Variants in GLIS3 observed in about 807,000 individuals in gnomAD.
GLIS3 encodes the protein GLIS family zinc finger 3, also known as zinc finger protein GLIS3.
A neutral mutation model predicts 78.6 loss-of-function variants in GLIS3; 53 were observed. That is an observed-to-expected ratio of 0.67 (90% CI 0.54 to 0.85). The LOEUF (loss-of-function observed/expected upper bound fraction) is 0.85. GLIS3 is among the 40% of genes least tolerant of loss of function. The pLI is 0.00. For synonymous variants in GLIS3, 684 were observed against 509.9 expected (o/e 1.34, Z -4.60); for missense variants, 1,703 against 1,231.1 (o/e 1.38, Z -5.74).
At chr9:4,380,736 T>A in the GLIS3 span, among the ~76,000 whole-genome samples, 2 of 152,220 alleles carry the variant, frequency 1.3e-5, no homozygotes, top group Admixed American at 6.5e-5. Context: ...ATTGTTAAAA[T>A]TTTTAAATAA....
intron 2 of GLIS3, among the ~76,000 whole-genome samples, chr9:4,227,341 C>G (rs1317356546): frequency 2.0e-5 from 3 of 151,472 alleles, no homozygotes. Flanking sequence ...AAGTTACGCC[C>G]ACACAATGAT....
intron 7 of GLIS3, among the ~76,000 whole-genome samples, chr9:3,880,884 G>A (rs1037256996): frequency 6.6e-6 from 1 of 152,208 alleles, no homozygotes; most frequent in South Asian, 2.1e-4. Flanking sequence ...TGGTAAATCA[G>A]CATTCTGTCA....
At chr9:4,075,933 A>G (rs1828013358) in intron 4 of GLIS3, among the ~76,000 whole-genome samples, 2 of 152,228 alleles carry the variant, frequency 1.3e-5, no homozygotes, top group South Asian at 2.1e-4. Context: ...GAAAGCAGAG[A>G]AGTGGCTCCT....
At chr9:4,319,644 C>G (rs1817492407) in intron 2 of GLIS3, among the ~76,000 whole-genome samples, 1 of 152,076 alleles carries the variant, frequency 6.6e-6, no homozygotes, top group African/African-American at 2.4e-5. Flanking sequence ...ATCCTCCTGC[C>G]TCACCCTCCC....
intron 4 of GLIS3, among the ~76,000 whole-genome samples, chr9:4,083,737 A>G (rs1490322649): frequency 6.6e-6 from 1 of 152,204 alleles, no homozygotes. Flanking sequence ...AAAACACAAG[A>G]AAAAATCCAC....
intron 6 of GLIS3, among the ~76,000 whole-genome samples, chr9:3,919,316 G>T (rs1298469870): frequency 6.6e-6 from 1 of 152,198 alleles, no homozygotes; most frequent in African/African-American, 2.4e-5. Flanking sequence ...CTTGAGTACA[G>T]TTCTACTGCT....
intron 2 of GLIS3, among the ~76,000 whole-genome samples, chr9:4,195,722 C>T (rs1301498587): frequency 3.9e-5 from 6 of 152,248 alleles, no homozygotes; most frequent in African/African-American, 1.2e-4. Flanking sequence ...ATCCACTAGG[C>T]GAAGCCAGCT....
intron 4 of GLIS3, among the ~76,000 whole-genome samples, chr9:4,016,715 G>A (rs1308090615): frequency 8.5e-5 from 13 of 152,118 alleles, no homozygotes; most frequent in Non-Finnish European, 1.2e-4. Flanking sequence ...TCCTCCACAT[G>A]GATGCACTAA....
At position 4,059,829 on chromosome 9, in the gene GLIS3, T is replaced by TGTGAGA; in HGVS notation, c.1710+57938_1710+57939insTCTCAC. Among the ~76,000 whole-genome samples, 316 of 100,690 alleles carry TGTGAGA rather than the reference T, an allele frequency of 3.1e-3. 3 individuals are homozygous for TGTGAGA. Among genetic ancestry groups the TGTGAGA allele is most frequent in the African/African-American group, 9.5e-3 (280 of 29,494 alleles). The allele number at this position is 100,690 out of a possible 152,430, so 66.1% of individuals were successfully genotyped here. A position where few individuals can be genotyped will look rare whatever the true frequency, so the allele number is the denominator to read the frequency against. On this transcript the variant is annotated intron_variant, in intron 4 of 10. Coordinates refer to ENST00000381971, the MANE Select transcript of GLIS3 (RefSeq NM_001042413.2). ...TTGTGTGTGTGTGTGTGTGTGTGTG[T>TGTGAGA]GAGAGAGAGAGAGAGAGAGAGAGAG...
chr9:4,336,985 TAATA>T (rs1260279682), intron 2 of GLIS3, among the ~76,000 whole-genome samples: 1 of 152,204 alleles, frequency 6.6e-6, no homozygotes, highest in Non-Finnish European at 1.5e-5. Flanking sequence ...TATAAATGAC[TAATA>T]AATATTTAAA....
chr9:3,911,632 T>C (rs760502272), intron 6 of GLIS3, among the ~76,000 whole-genome samples: 42 of 152,018 alleles, frequency 2.8e-4, no homozygotes, highest in Non-Finnish European at 5.0e-4. Context: ...CTACGTGGAG[T>C]TGAATTTTTG....
At chr9:4,231,675 T>C (rs1200418820) in intron 2 of GLIS3, among the ~76,000 whole-genome samples, 1 of 152,194 alleles carries the variant, frequency 6.6e-6, no homozygotes, top group Non-Finnish European at 1.5e-5. Flanking sequence ...TGTAAAAATC[T>C]TCAAAGTTCT....
the GLIS3 span, among the ~76,000 whole-genome samples, chr9:4,394,427 G>A: frequency 5.9e-4 from 90 of 152,128 alleles, no homozygotes; most frequent in East Asian, 0.014. Flanking sequence ...CAGGAAACAT[G>A]GCATTAGGCT....
At chr9:4,063,173 A>T (rs559094404) in intron 4 of GLIS3, among the ~76,000 whole-genome samples, 1 of 152,184 alleles carries the variant, frequency 6.6e-6, no homozygotes, top group Admixed American at 6.5e-5. Context: ...TGCACATTTC[A>T]CAATATTCCA....
chr9:4,189,339 T>G (rs1818110760), intron 2 of GLIS3, among the ~76,000 whole-genome samples: 1 of 152,250 alleles, frequency 6.6e-6, no homozygotes, highest in African/African-American at 2.4e-5. Context: ...GAGTTCTAGT[T>G]TGATTGCACT....
chr9:4,454,729 G>C, the GLIS3 span, among the ~76,000 whole-genome samples: 2 of 152,170 alleles, frequency 1.3e-5, no homozygotes, highest in Non-Finnish European at 2.9e-5. Flanking sequence ...GGTTTGATGT[G>C]TTCCAGGTCG....
At chr9:4,035,652 G>A (rs542665751) in intron 4 of GLIS3, among the ~76,000 whole-genome samples, 1 of 152,054 alleles carries the variant, frequency 6.6e-6, no homozygotes, top group South Asian at 2.1e-4. Flanking sequence ...TCCACCTGGT[G>A]CCAGAATAAG....
the GLIS3 span, among the ~76,000 whole-genome samples, chr9:4,469,315 C>T: frequency 1.3e-5 from 2 of 152,158 alleles, no homozygotes; most frequent in African/African-American, 4.8e-5. Context: ...CCCTCCACCC[C>T]AAATCAACAG....
the GLIS3 span, among the ~76,000 whole-genome samples, chr9:4,469,361 T>C: frequency 6.6e-6 from 1 of 152,070 alleles, no homozygotes; most frequent in Non-Finnish European, 1.5e-5. Flanking sequence ...CAATACCTAT[T>C]CCAAAACTGA....
Sources: gnomAD v4.1 joint callset for allele counts (sites outside exome capture counted in the v4.1 genomes callset) on GRCh38, gnomAD v4.1.1 for gene constraint, MANE v1.5 for transcripts, NCBI Gene and HGNC (gene_info 2026-07-23, HGNC 2026-07-21) for gene names.